Variants in ZMYM2 observed in about 807,000 individuals in gnomAD.
The protein encoded by ZMYM2 is zinc finger MYM-type protein 2.
Under a neutral mutation model 162.8 loss-of-function variants are expected in ZMYM2, and 56 were observed. That is an observed-to-expected ratio of 0.34 (90% CI 0.28 to 0.43). The LOEUF (loss-of-function observed/expected upper bound fraction) is 0.43. Among genes scored for constraint, ZMYM2 ranks in the 20% least tolerant of loss-of-function variants. ZMYM2 has a pLI of 1.00. For synonymous variants in ZMYM2, 510 were observed against 541.6 expected (o/e 0.94, Z 0.81); for missense variants, 1,275 against 1,621.8 (o/e 0.79, Z 3.67).
the ZMYM2 span, among the ~76,000 whole-genome samples, chr13:19,881,732 C>T: frequency 5.3e-5 from 8 of 151,846 alleles, no homozygotes; most frequent in Non-Finnish European, 7.4e-5. Flanking sequence ...TGCCTGTAAC[C>T]CCAGCACTTT....
chr13:20,076,445 A>C (rs1313678188), intron 21 of ZMYM2, among the ~76,000 whole-genome samples: 1 of 150,590 alleles, frequency 6.6e-6, no homozygotes, highest in Non-Finnish European at 1.5e-5. Context: ...TTTTAAAGAT[A>C]TTAACAGATT....
chr13:19,938,113 T>C, the ZMYM2 span, among the ~76,000 whole-genome samples: 19 of 152,160 alleles, frequency 1.2e-4, no homozygotes, highest in Non-Finnish European at 2.5e-4. Context: ...AATACACATA[T>C]GTGTGCATGT....
chr13:20,021,094 G>C (rs112754306), intron 7 of ZMYM2, among the ~76,000 whole-genome samples: 4,019 of 151,714 alleles, frequency 0.026, 181 homozygotes, highest in African/African-American at 0.093. Context: ...TCCTGCCTCA[G>C]CCTCCCTAGT....
the ZMYM2 span, among the ~76,000 whole-genome samples, chr13:19,931,083 G>C: frequency 2.0e-5 from 3 of 149,726 alleles, no homozygotes; most frequent in African/African-American, 4.9e-5. Flanking sequence ...AGCTTGCAGT[G>C]AGCCGAGATG....
the ZMYM2 span, among the ~76,000 whole-genome samples, chr13:19,936,644 C>T: frequency 7.2e-5 from 11 of 152,062 alleles, no homozygotes; most frequent in Non-Finnish European, 1.5e-4. Flanking sequence ...ATCACTTGAA[C>T]CCAGGAGGCG....
intron 12 of ZMYM2, among the ~76,000 whole-genome samples, chr13:20,044,879 G>C (rs572037189): frequency 6.6e-6 from 1 of 151,554 alleles, no homozygotes; most frequent in Non-Finnish European, 1.5e-5. Context: ...GTAAAACCCC[G>C]TCTCTACTAA....
chr13:20,030,900 A>G (rs905411106), intron 9 of ZMYM2, among the ~76,000 whole-genome samples: 2 of 152,224 alleles, frequency 1.3e-5, no homozygotes, highest in Non-Finnish European at 2.9e-5. Context: ...GGCACAAAAC[A>G]TTAGTAAATT....
chr13:20,027,461 G>T, intron 9 of ZMYM2, 143 bp downstream of exon 9: 1 of 597,100 alleles, frequency 1.7e-6, no homozygotes, highest in Non-Finnish European at 2.7e-6. Context: ...CCTAGTCACA[G>T]AATATGTGGC....
chr13:20,030,157 G>A (rs1034141185), intron 9 of ZMYM2, among the ~76,000 whole-genome samples: 2 of 151,256 alleles, frequency 1.3e-5, no homozygotes, highest in Non-Finnish European at 2.9e-5. Flanking sequence ...ATACCAGTGT[G>A]TAAATCTTTT....
the ZMYM2 span, among the ~76,000 whole-genome samples, chr13:19,952,537 T>C: frequency 1.3e-5 from 2 of 152,162 alleles, no homozygotes; most frequent in Non-Finnish European, 2.9e-5. Flanking sequence ...TAAATACATT[T>C]GATTTAAAAA....
At chr13:19,893,176 T>C in the ZMYM2 span, among the ~76,000 whole-genome samples, 2 of 149,624 alleles carry the variant, frequency 1.3e-5, no homozygotes, top group East Asian at 4.1e-4. Flanking sequence ...CTCACGCCTG[T>C]AATCCCAGCA....
At chr13:20,012,045 T>C (rs1384048673) in intron 6 of ZMYM2, among the ~76,000 whole-genome samples, 2 of 151,976 alleles carry the variant, frequency 1.3e-5, no homozygotes, top group Non-Finnish European at 2.9e-5. Context: ...CCACAGCGCC[T>C]GGGCTAATAC....
intron 21 of ZMYM2, among the ~76,000 whole-genome samples, chr13:20,079,391 A>AT (rs78988872): frequency 0.83 from 119,143 of 142,892 alleles, 50,733 homozygotes; most frequent in Non-Finnish European, 0.92. Flanking sequence ...TTCTGTGATG[A>AT]TTTTTTTTTA....
chr13:19,880,041 C>T, the ZMYM2 span, among the ~76,000 whole-genome samples: 1 of 152,044 alleles, frequency 6.6e-6, no homozygotes, highest in Non-Finnish European at 1.5e-5. Context: ...CTTGGTCTTG[C>T]GCCTTTAGAC....
intron 21 of ZMYM2, among the ~76,000 whole-genome samples, chr13:20,078,922 T>G (rs1381417577): frequency 1.3e-5 from 2 of 152,016 alleles, no homozygotes; most frequent in African/African-American, 4.8e-5. Context: ...TGTTCCAAAA[T>G]TATTTAGGGA....
intron 7 of ZMYM2, chr13:20,019,866 GA>G: frequency 2.4e-6 from 1 of 409,386 alleles, no homozygotes; most frequent in East Asian, 4.5e-5. Flanking sequence ...ATTATTTTCA[GA>G]TTTTTTTAGT....
chr13:20,033,653 C>G lies in ZMYM2; in HGVS notation c.1969-601C>G, dbSNP rs116342300. On this transcript the variant is annotated intron_variant, in intron 10 of 24. Coordinates refer to ENST00000610343, the MANE Select transcript of ZMYM2 (RefSeq NM_197968.4). The stretch of plus-strand genomic sequence containing the variant: ...CCTGGAAGTTTTAACTTGTTCATAC[C>G]TGCTTGGGTTAATATTTGAAAAGTA... 5.7e-3 allele frequency among the ~76,000 whole-genome samples: 870 copies of G among 152,232 alleles called. 8 individuals are homozygous for G. The highest frequency in any genetic ancestry group is 0.02 in the African/African-American group (817 of 41,524).
rs370103279 is a variant in ZMYM2 at position 20,026,742 on chromosome 13, C to T, written c.1715C>T (p.Thr572Ile). The T allele has an allele frequency of 1.6e-5, 26 of 1,591,826 alleles. No individual in the cohort carries two copies. In the African/African-American group the frequency reaches 3.0e-4, roughly 18 times the overall value. Residue 572 changes from threonine (T) to isoleucine (I), a missense_variant, in exon 8 of 25, where the codon ACA becomes ATA. Transcript: ENST00000610343. ...ACTGCTTGTATGAACAGTCACAAGA[C>T]AAAATATGCAAAATCACAAAGTAAG... ...CSTACMNSHKTKYAKSQSLGI... is the reference protein window; with the variant it reads ...CSTACMNSHKIKYAKSQSLGI...
intron 2 of ZMYM2, among the ~76,000 whole-genome samples, chr13:19,992,749 A>G (rs780218347): frequency 7.2e-5 from 11 of 151,830 alleles, no homozygotes; most frequent in Non-Finnish European, 1.3e-4. Context: ...TATGGAGTAA[A>G]TAGTGTACCC....
Sources: allele counts gnomAD v4.1 joint callset (sites outside exome capture counted in the v4.1 genomes callset), GRCh38; gene constraint gnomAD v4.1.1; transcripts MANE v1.5; gene names NCBI Gene and HGNC (gene_info 2026-07-23, HGNC 2026-07-21).